The following DNAH14 variants were observed in gnomAD, a reference collection of about 807,000 sequenced individuals.
DNAH14 encodes axonemal beta dynein heavy chain 14.
Under a neutral mutation model 520.9 loss-of-function variants are expected in DNAH14, and 478 were observed. That is an observed-to-expected ratio of 0.92 (90% CI 0.85 to 0.99). The LOEUF (loss-of-function observed/expected upper bound fraction) is 0.99. Among genes scored for constraint, DNAH14 ranks in the 50% least tolerant of loss-of-function variants. The probability of loss-of-function intolerance (pLI) is 0.00; values close to 1 mark genes in which losing one functional copy is unlikely to be tolerated. For synonymous variants in DNAH14, 1,581 were observed against 1,757.2 expected (o/e 0.90, Z 2.51); for missense variants, 4,831 against 5,234.5 (o/e 0.92, Z 2.38).
At chr1:225,267,322 T>A (rs1443906416) in intron 49 of DNAH14, among the ~76,000 whole-genome samples, 1 of 141,244 alleles carries the variant, frequency 7.1e-6, no homozygotes, top group African/African-American at 2.6e-5. Context: ...TGAGATGGAA[T>A]CTCGCTCTGT....
intron 44 of DNAH14, among the ~76,000 whole-genome samples, chr1:225,254,093 G>A (rs1368443035): frequency 6.6e-6 from 1 of 151,956 alleles, no homozygotes; most frequent in Non-Finnish European, 1.5e-5. Context: ...TCTTGCTCCT[G>A]AGATGTGGTG....
chr1:225,247,974 G>A (rs906705332), intron 43 of DNAH14, among the ~76,000 whole-genome samples: 4 of 152,058 alleles, frequency 2.6e-5, no homozygotes, highest in Admixed American at 1.3e-4. Context: ...AGCCGAGATC[G>A]CGCCACTGCA....
intron 11 of DNAH14, among the ~76,000 whole-genome samples, chr1:225,030,221 C>T (rs1470625896): frequency 6.6e-6 from 1 of 151,686 alleles, no homozygotes; most frequent in East Asian, 1.9e-4. Flanking sequence ...AAAATGAAAA[C>T]ACAACATAAC....
intron 22 of DNAH14, 83 bp downstream of exon 22, chr1:225,097,322 C>A: frequency 2.3e-6 from 3 of 1,291,042 alleles, no homozygotes; most frequent in Non-Finnish European, 3.1e-6. Flanking sequence ...GAAATCATTT[C>A]TTCAATGAAC....
chr1:224,969,620 G>T (rs1162027392), intron 7 of DNAH14: 2 of 258,956 alleles, frequency 7.7e-6, no homozygotes, highest in South Asian at 1.5e-4. Context: ...AGTAGAGGTT[G>T]GTTTTTGTTG....
At chr1:225,191,684 G>C (rs1449473971) in intron 37 of DNAH14, among the ~76,000 whole-genome samples, 1 of 151,824 alleles carries the variant, frequency 6.6e-6, no homozygotes, top group East Asian at 1.9e-4. Context: ...ATAATGTATA[G>C]ATTGATATGC....
intron 10 of DNAH14, among the ~76,000 whole-genome samples, chr1:225,022,842 T>C (rs1170974963): frequency 1.3e-5 from 2 of 152,184 alleles, no homozygotes; most frequent in Non-Finnish European, 2.9e-5. Flanking sequence ...GGAATCAACC[T>C]AGATGCCCAT....
chr1:225,144,368 A>G, intron 28 of DNAH14, 29 bp from the exon 29 acceptor site: 1 of 1,462,382 alleles, frequency 6.8e-7, no homozygotes, highest in South Asian at 1.2e-5. Context: ...TTAACCAAAT[A>G]ATATGAACAT....
intron 38 of DNAH14, among the ~76,000 whole-genome samples, chr1:225,199,601 C>A (rs548821595): frequency 6.6e-6 from 1 of 152,246 alleles, no homozygotes; most frequent in South Asian, 2.1e-4. Context: ...ACCCAGTTAT[C>A]ATTCAGGAGC....
intron 41 of DNAH14, among the ~76,000 whole-genome samples, chr1:225,216,239 C>T (rs542822217): frequency 1.3e-5 from 2 of 152,334 alleles, no homozygotes; most frequent in East Asian, 3.9e-4. Context: ...TCTCTTCTGG[C>T]TTGTAGAGTT....
At chr1:225,214,524 A>T (rs2088988257) in intron 41 of DNAH14, among the ~76,000 whole-genome samples, 1 of 152,134 alleles carries the variant, frequency 6.6e-6, no homozygotes, top group South Asian at 2.1e-4. Context: ...TCAGCTGTGA[A>T]TCCATCTGCT....
chr1:225,006,453 C>A (rs1004033826), intron 9 of DNAH14, among the ~76,000 whole-genome samples: 1 of 152,138 alleles, frequency 6.6e-6, no homozygotes, highest in African/African-American at 2.4e-5. Flanking sequence ...TCGCTGAATT[C>A]TTTTCCCAGC....
chr1:225,331,176 A>T (rs1391038136), intron 64 of DNAH14, among the ~76,000 whole-genome samples: 1 of 151,972 alleles, frequency 6.6e-6, no homozygotes, highest in Non-Finnish European at 1.5e-5. Flanking sequence ...TCAGAAATTG[A>T]TGAATCTACA....
At chr1:225,352,375 A>AT (rs1172353564) in intron 72 of DNAH14, among the ~76,000 whole-genome samples, 1 of 151,992 alleles carries the variant, frequency 6.6e-6, no homozygotes. Context: ...TTCCTTCCAC[A>AT]TTTTTCTCTA....
At chr1:225,320,814 T>G (rs1348383175) in intron 61 of DNAH14, among the ~76,000 whole-genome samples, 3 of 152,204 alleles carry the variant, frequency 2.0e-5, no homozygotes, top group African/African-American at 7.2e-5. Context: ...AAATTTCCAG[T>G]AGACACGTGT....
intron 36 of DNAH14, among the ~76,000 whole-genome samples, chr1:225,172,082 A>G (rs2082745879): frequency 6.6e-6 from 1 of 151,904 alleles, no homozygotes; most frequent in Non-Finnish European, 1.5e-5. Context: ...CATGCTAAAA[A>G]CTCTCAATAA....
chr1:225,103,326 T>C (rs1417651764), intron 23 of DNAH14, among the ~76,000 whole-genome samples: 2 of 152,232 alleles, frequency 1.3e-5, no homozygotes, highest in East Asian at 1.9e-4. Flanking sequence ...GGTAGCGTGA[T>C]GCCTCCAGCT....
chr1:224,947,582 GTAT>G (rs1376239786), intron 1 of DNAH14, among the ~76,000 whole-genome samples: 24 of 151,976 alleles, frequency 1.6e-4, no homozygotes, highest in African/African-American at 5.8e-4. Context: ...TTAATCTTTA[GTAT>G]TATTCTACTT....
At chr1:225,130,565 CAA>C (rs200711036) in intron 27 of DNAH14, among the ~76,000 whole-genome samples, 8,608 of 149,206 alleles carry the variant, frequency 0.058, 329 homozygotes, top group Non-Finnish European at 0.077. Flanking sequence ...TAAAATATCG[CAA>C]GGATAAAAAA....
Sources: gnomAD v4.1 joint callset for allele counts (sites outside exome capture counted in the v4.1 genomes callset) on GRCh38, gnomAD v4.1.1 for gene constraint, MANE v1.5 for transcripts, NCBI Gene and HGNC (gene_info 2026-07-23, HGNC 2026-07-21) for gene names.